TERF2IP: variants seen among roughly 807,000 people sequenced by gnomAD.
TERF2IP encodes telomeric repeat-binding factor 2-interacting protein 1.
In TERF2IP, 35 loss-of-function variants were observed where a neutral mutation model predicts 33.3. The ratio of observed to expected loss-of-function variants is 1.05; its 90% CI spans 0.80 to 1.39. TERF2IP has a LOEUF of 1.39. Among genes scored for constraint, TERF2IP ranks in the 40% most tolerant of loss-of-function variants. The pLI, the probability that TERF2IP is intolerant of heterozygous loss-of-function variation, is 0.00. For missense variants in TERF2IP, 583 were observed against 524.8 expected (o/e 1.11, Z -1.08); for synonymous variants, 253 against 223.2 (o/e 1.13, Z -1.19).
chr16:75,651,173 T>C (rs1373461386), intron 1 of TERF2IP, among the ~76,000 whole-genome samples: 1 of 152,088 alleles, frequency 6.6e-6, no homozygotes, highest in Non-Finnish European at 1.5e-5. Context: ...GAACTTCTCA[T>C]GATAAATAAA....
chr16:75,654,945 G>T (rs1220462797), intron 2 of TERF2IP, among the ~76,000 whole-genome samples: 1 of 152,136 alleles, frequency 6.6e-6, no homozygotes, highest in Non-Finnish European at 1.5e-5. Flanking sequence ...AGCCAGGATG[G>T]CCTCGATCTC....
Position 75,648,570 on chromosome 16 carries a change from G to C in TERF2IP, c.670+18G>C, listed in dbSNP as rs1309026120. Reference sequence around the variant, plus strand: ...TAGCGGGGGTGAGGAGGCTGAGCGCGGGGCCTCGCGGATATCTGCGCGGGT... The same window carrying C: ...TAGCGGGGGTGAGGAGGCTGAGCGCCGGGCCTCGCGGATATCTGCGCGGGT... On this transcript the variant is annotated intron_variant, in intron 1 of 2. Coordinates refer to ENST00000300086, the MANE Select transcript of TERF2IP (RefSeq NM_018975.4). The C allele has an allele frequency of 2.0e-6, 3 of 1,515,504 alleles. No homozygotes were observed. The highest frequency in any genetic ancestry group is 2.7e-6 in the Non-Finnish European group (3 of 1,127,196). 93.9% of individuals were successfully genotyped at this position (1,515,504 alleles called of 1,614,324 possible). A position where few individuals can be genotyped will look rare whatever the true frequency, so the allele number is the denominator to read the frequency against.
intron 2 of TERF2IP, among the ~76,000 whole-genome samples, chr16:75,655,555 C>G (rs796378698): frequency 9.2e-5 from 14 of 152,296 alleles, no homozygotes; most frequent in African/African-American, 3.4e-4. Context: ...GGATTGTTGC[C>G]TTTTGTAGTC....
rs201154963 is a variant in TERF2IP, at chr16:75,656,453, G to A, written c.1042G>A (p.Ala348Thr). The A allele has an allele frequency of 1.5e-5, 25 of 1,614,040 alleles. No individual in the cohort carries two copies. The highest frequency in any genetic ancestry group is 1.7e-5 in the Non-Finnish European group (20 of 1,180,048). Residue 348 changes from alanine (A) to threonine (T), a missense_variant, in exon 3 of 3, where the codon GCC (alanine) becomes ACC (threonine). Physicochemically the swap from Ala to Thr is moderately conservative, Grantham distance 58 (BLOSUM62 0). Coordinates refer to ENST00000300086, the MANE Select transcript of TERF2IP (RefSeq NM_018975.4). ...TAGTGGTGAGCTGGAGGCTACTTCC[G>A]CCTTCTTAGCGTCTGGTCAGAGAGC... ...KNSGELEATS[A>T]FLASGQRADG... is the part of the protein sequence containing the mutation.
chr16:75,656,786 A>G lies in TERF2IP; in HGVS notation c.*175A>G. ...TAGCCAAGCAGAGTTGTAGAGGGGG[A>G]TAAAAAGAAAAGAAATTGGATGTAT... On this transcript the variant is annotated 3_prime_UTR_variant, in exon 3 of 3. Coordinates refer to ENST00000300086, the MANE Select transcript of TERF2IP (RefSeq NM_018975.4). 1.6e-6 allele frequency: 1 copy of G among 611,548 alleles called. No individual in the cohort carries two copies. Among genetic ancestry groups the G allele is most frequent in the Non-Finnish European group, 2.8e-6 (1 of 352,066 alleles). 37.9% of individuals were successfully genotyped at this position (611,548 alleles called of 1,614,324 possible). A position where few individuals can be genotyped will look rare whatever the true frequency, so the allele number is the denominator to read the frequency against.
intron 1 of TERF2IP, 163 bp downstream of exon 1, chr16:75,648,715 C>A (rs1457419609): frequency 7.0e-7 from 1 of 1,430,604 alleles, no homozygotes; most frequent in Non-Finnish European, 9.1e-7. Context: ...CCTTCTCGCT[C>A]CCTTGTTGTT....
At position 75,648,134 on chromosome 16, in the gene TERF2IP, C is replaced by T. The variant is rs1227306916; in HGVS notation, c.252C>T (p.Ile84=). The change falls in exon 1 of 3, where the codon ATC becomes ATT. Residue 84 remains isoleucine (I), a synonymous_variant. Coordinates refer to ENST00000300086, the MANE Select transcript of TERF2IP (RefSeq NM_018975.4). The part of the protein sequence containing the change: ...ASGDFISTQY[I]LDCVERNERL... ...GTGATTTCATCTCCACGCAGTACAT[C>T]CTGGACTGCGTGGAGCGCAACGAGA... 4.5e-6 allele frequency: 7 copies of T among 1,563,800 alleles called. No individual in the cohort carries two copies. The highest frequency in any genetic ancestry group is 6.1e-6 in the Non-Finnish European group (7 of 1,156,478).
chr16:75,648,779 C>A, intron 1 of TERF2IP: 1 of 1,275,684 alleles, frequency 7.8e-7, no homozygotes, highest in East Asian at 2.8e-5. Context: ...GGTCTGAACT[C>A]CTGAGCTCAA....
intron 1 of TERF2IP, among the ~76,000 whole-genome samples, chr16:75,651,135 T>A (rs1233478332): frequency 6.6e-6 from 1 of 152,046 alleles, no homozygotes; most frequent in African/African-American, 2.4e-5. Context: ...AAGAAAAAGT[T>A]TTATATATTT....
Position 75,648,460 on chromosome 16 carries a change from A to C in TERF2IP, c.578A>C (p.His193Pro). Residue 193 changes from histidine (H) to proline (P), a missense_variant, in exon 1 of 3, where the codon CAT (histidine) becomes CCT (proline). His to Pro is a moderately conservative substitution (Grantham distance 77). Transcript: ENST00000300086. Reference protein sequence around the residue: ...RYLKHLRGQEHKYLLGDAPVS... With the variant: ...RYLKHLRGQEPKYLLGDAPVS... ...CTCAAGCACCTGCGGGGCCAGGAGC[A>C]TAAGTACCTGCTGGGGGACGCGCCG... The C allele has an allele frequency of 6.2e-6, 10 of 1,600,144 alleles. No individual in the cohort carries two copies. Among genetic ancestry groups the C allele is most frequent in the Non-Finnish European group, 8.5e-6 (10 of 1,174,438 alleles).
Position 75,648,553 on chromosome 16 carries a change from G to A in TERF2IP, c.670+1G>A, listed in dbSNP as rs985541014. The stretch of plus-strand genomic sequence containing the variant: ...GACCCGGAGGCCGCGGATAGCGGGG[G>A]TGAGGAGGCTGAGCGCGGGGCCTCG... On this transcript the variant is annotated splice_donor_variant, in intron 1 of 2. Coordinates refer to ENST00000300086, the MANE Select transcript of TERF2IP (RefSeq NM_018975.4). LOFTEE classifies it high-confidence loss of function. The A allele has an allele frequency of 4.5e-6, 7 of 1,547,588 alleles. No homozygotes were observed. The highest frequency in any genetic ancestry group is 2.4e-5 in the South Asian group (2 of 84,740).
At chr16:75,654,902 G>C (rs1017293332) in intron 2 of TERF2IP, among the ~76,000 whole-genome samples, 5 of 152,036 alleles carry the variant, frequency 3.3e-5, no homozygotes, top group African/African-American at 1.2e-4. Flanking sequence ...CTAATTATTT[G>C]TATTTTTAGT....
At position 75,656,344 on chromosome 16, in the gene TERF2IP, G is replaced by A; in HGVS notation, c.933G>A (p.Val311=). 1.2e-6 allele frequency: 2 copies of A among 1,614,066 alleles called. No individual in the cohort carries two copies. The highest frequency in any genetic ancestry group is 1.7e-6 in the Non-Finnish European group (2 of 1,179,938). The change falls in exon 3 of 3, where the codon GTG becomes GTA. Residue 311 remains valine, a synonymous_variant. Coordinates refer to ENST00000300086, the MANE Select transcript of TERF2IP (RefSeq NM_018975.4). ...AAGAAAAAGTTTCTCAACCAGAGGT[G>A]GGAGCTGCCATTAAGATCATTCGGC... ...EEEEKVSQPE[V]GAAIKIIRQL...
At chr16:75,655,304 A>G (rs765919513) in intron 2 of TERF2IP, among the ~76,000 whole-genome samples, 1 of 152,252 alleles carries the variant, frequency 6.6e-6, no homozygotes. Context: ...CTGATATTTA[A>G]TAATAGCTAC....
chr16:75,656,319 A>G lies in TERF2IP; in HGVS notation c.908A>G (p.Glu303Gly), dbSNP rs747189011. The G allele has an allele frequency of 1.2e-6, 2 of 1,614,206 alleles. No individual in the cohort carries two copies. Among genetic ancestry groups the G allele is most frequent in the South Asian group, 2.2e-5 (2 of 91,086 alleles). ...CCTGATGAGGAGGAAGAAGAAGAAG[A>G]AGAAAAAGTTTCTCAACCAGAGGTG... is the stretch of plus-strand genomic sequence containing the variant. Reference protein sequence around the residue: ...TQPDEEEEEEEEKVSQPEVGA... With the variant: ...TQPDEEEEEEGEKVSQPEVGA... The change falls in exon 3 of 3, where the codon GAA becomes GGA. Residue 303 changes from glutamate to glycine, a missense_variant. Physicochemically the swap from Glu to Gly is moderately conservative, Grantham distance 98. Transcript: ENST00000300086.
rs2151815442 is a variant in TERF2IP, at chr16:75,647,790, C to T, written c.-93C>T. 2 of 1,581,920 alleles carry T rather than the reference C, an allele frequency of 1.3e-6. No individual in the cohort carries two copies. Among genetic ancestry groups the T allele is most frequent in the East Asian group, 2.3e-5 (1 of 44,416 alleles). On this transcript the variant is annotated 5_prime_UTR_variant, in exon 1 of 3. Coordinates refer to ENST00000300086, the MANE Select transcript of TERF2IP (RefSeq NM_018975.4). The stretch of plus-strand genomic sequence containing the variant: ...GCAGGCCCAGTGCTGCGCTTCGCGG[C>T]AGAGGCGTCTGCGGTGACAGCTCAG...
At position 75,656,902 on chromosome 16, in the gene TERF2IP, T is replaced by C; in HGVS notation, c.*291T>C. 3.2e-6 allele frequency: 1 copy of C among 312,448 alleles called. No homozygotes were observed. The highest frequency in any genetic ancestry group is 5.8e-5 in the East Asian group (1 of 17,224). 19.4% of individuals were successfully genotyped at this position (312,448 alleles called of 1,614,324 possible). On this transcript the variant is annotated 3_prime_UTR_variant, in exon 3 of 3. Transcript: ENST00000300086. The stretch of plus-strand genomic sequence containing the variant: ...GGTCTACATAGTAGTAATCCATTGT[T>C]GGAATGGAACCCTTGCTATAGTAGT...
chr16:75,656,072 T>C lies in TERF2IP; in HGVS notation c.796-135T>C, dbSNP rs1446468510. On this transcript the variant is annotated intron_variant, in intron 2 of 2. Transcript: ENST00000300086. ...AATAAATGTAAGAAGGAACACAGCATATTAAGAGGAACTGAAGGAAGTCCA... is the reference window on the plus strand; with the variant it reads ...AATAAATGTAAGAAGGAACACAGCACATTAAGAGGAACTGAAGGAAGTCCA... The C allele has an allele frequency of 4.9e-6, 4 of 812,240 alleles. No homozygotes were observed. In the Admixed American group the frequency reaches 9.5e-5, roughly 19 times the overall value. The allele number at this position is 812,240 out of a possible 1,614,324, so 50.3% of individuals were successfully genotyped here. A position where few individuals can be genotyped will look rare whatever the true frequency, so the allele number is the denominator to read the frequency against.
chr16:75,649,828 G>C (rs543594790), intron 1 of TERF2IP, among the ~76,000 whole-genome samples: 1 of 152,172 alleles, frequency 6.6e-6, no homozygotes, highest in Non-Finnish European at 1.5e-5. Context: ...TTGGGGTTCA[G>C]TATGTCTAGG....
Sources: allele counts gnomAD v4.1 joint callset (sites outside exome capture counted in the v4.1 genomes callset), GRCh38; gene constraint gnomAD v4.1.1; transcripts MANE v1.5; gene names NCBI Gene and HGNC (gene_info 2026-07-23, HGNC 2026-07-21).